The following PARD3 variants were observed in gnomAD, a reference collection of about 807,000 sequenced individuals.
PARD3 encodes partitioning defective 3 homolog.
A neutral mutation model predicts 155.4 loss-of-function variants in PARD3; 75 were observed. That is an observed-to-expected ratio of 0.48 (90% CI 0.40 to 0.58). The LOEUF is 0.58. Among genes scored for constraint, PARD3 ranks in the 20% least tolerant of loss-of-function variants. The pLI is 0.00. For missense variants in PARD3, 1,642 were observed against 1,721.7 expected, an observed-to-expected ratio of 0.95 and a Z score of 0.82; for synonymous variants, 576 against 610.5, an observed-to-expected ratio of 0.94 and a Z score of 0.83.
chr10:34,571,187 A>T (rs1390715173), intron 2 of PARD3, among the ~76,000 whole-genome samples: 3 of 152,068 alleles, frequency 2.0e-5, no homozygotes, highest in Admixed American at 2.0e-4. Flanking sequence ...TAGTGCACAC[A>T]CCTGTAGTCT....
chr10:34,635,577 C>T (rs1170758534), intron 2 of PARD3, among the ~76,000 whole-genome samples: 1 of 152,206 alleles, frequency 6.6e-6, no homozygotes, highest in Non-Finnish European at 1.5e-5. Context: ...AATTTATATG[C>T]CTATGACTCT....
At chr10:34,579,604 G>A (rs549240560) in intron 2 of PARD3, among the ~76,000 whole-genome samples, 19 of 136,630 alleles carry the variant, frequency 1.4e-4, no homozygotes, top group Non-Finnish European at 2.1e-4. Context: ...GTTTTGACAC[G>A]GAGTTTCACA....
intron 5 of PARD3, among the ~76,000 whole-genome samples, chr10:34,448,359 G>C (rs1375502177): frequency 6.6e-6 from 1 of 151,602 alleles, no homozygotes; most frequent in Non-Finnish European, 1.5e-5. Flanking sequence ...TGCTAACAGA[G>C]TACGATGGCA....
chr10:34,791,663 G>A (rs934200636), intron 1 of PARD3, among the ~76,000 whole-genome samples: 1 of 152,038 alleles, frequency 6.6e-6, no homozygotes, highest in Non-Finnish European at 1.5e-5. Flanking sequence ...ATCGCCTGAG[G>A]CCAGGGATTC....
At chr10:34,117,472 G>A (rs1200931667) in intron 24 of PARD3, among the ~76,000 whole-genome samples, 1 of 152,136 alleles carries the variant, frequency 6.6e-6, no homozygotes, top group Non-Finnish European at 1.5e-5. Flanking sequence ...CGGAGTGGGG[G>A]ATAGGGTGGA....
chr10:34,697,023 T>C (rs1321920071), intron 1 of PARD3, among the ~76,000 whole-genome samples: 1 of 146,110 alleles, frequency 6.8e-6, no homozygotes, highest in Non-Finnish European at 1.5e-5. Context: ...CACACACATA[T>C]TAAAATGCGT....
intron 3 of PARD3, among the ~76,000 whole-genome samples, chr10:34,481,469 T>C (rs915122472): frequency 3.3e-5 from 5 of 152,176 alleles, no homozygotes; most frequent in Non-Finnish European, 7.3e-5. Flanking sequence ...CATTGGCTAC[T>C]GAATCCTGTG....
chr10:34,728,641 T>C (rs2094761097), intron 1 of PARD3, among the ~76,000 whole-genome samples: 1 of 152,226 alleles, frequency 6.6e-6, no homozygotes. Context: ...GCTCCCAATT[T>C]GGATGAAGTC....
intron 22 of PARD3, among the ~76,000 whole-genome samples, chr10:34,240,497 A>G (rs892446175): frequency 6.6e-6 from 1 of 152,190 alleles, no homozygotes; most frequent in African/African-American, 2.4e-5. Context: ...CTATTTTTGT[A>G]TTCAATGATA....
intron 20 of PARD3, among the ~76,000 whole-genome samples, chr10:34,291,254 C>T (rs1016415507): frequency 6.6e-6 from 1 of 152,046 alleles, no homozygotes; most frequent in Non-Finnish European, 1.5e-5. Flanking sequence ...AGATGTATGT[C>T]CACATGTTTC....
At chr10:34,348,230 A>C (rs2134370665) in intron 14 of PARD3, 115 bp from the exon 15 acceptor site, 1 of 844,158 alleles carries the variant, frequency 1.2e-6, no homozygotes, top group East Asian at 2.8e-5. Flanking sequence ...TACCAAATGA[A>C]CTAGAACTTT....
intron 22 of PARD3, among the ~76,000 whole-genome samples, chr10:34,182,915 CAT>C (rs1422095080): frequency 6.6e-6 from 1 of 152,126 alleles, no homozygotes; most frequent in Non-Finnish European, 1.5e-5. Context: ...AATGTTTACT[CAT>C]AAATTACATC....
chr10:34,737,164 C>G (rs72783655), intron 1 of PARD3, among the ~76,000 whole-genome samples: 1 of 152,192 alleles, frequency 6.6e-6, no homozygotes, highest in East Asian at 1.9e-4. Context: ...CAGTATTGAC[C>G]TGGTCCCAAG....
intron 4 of PARD3, among the ~76,000 whole-genome samples, chr10:34,453,283 G>A (rs1055150466): frequency 6.6e-6 from 1 of 152,162 alleles, no homozygotes; most frequent in African/African-American, 2.4e-5. Flanking sequence ...AGCATTCCCT[G>A]ATTCTCAATA....
At chr10:34,794,070 T>C (rs1776274168) in intron 1 of PARD3, among the ~76,000 whole-genome samples, 1 of 150,442 alleles carries the variant, frequency 6.6e-6, no homozygotes, top group African/African-American at 2.4e-5. Flanking sequence ...CTCCATTCAA[T>C]CTCCCGTAAG....
chr10:34,512,332 T>C (rs1445343813), intron 3 of PARD3, among the ~76,000 whole-genome samples: 1 of 152,232 alleles, frequency 6.6e-6, no homozygotes, highest in Non-Finnish European at 1.5e-5. Context: ...TGCTGGCTTC[T>C]TTATTATCAT....
intron 2 of PARD3, among the ~76,000 whole-genome samples, chr10:34,616,018 T>A (rs899020393): frequency 6.6e-6 from 1 of 152,140 alleles, no homozygotes; most frequent in Non-Finnish European, 1.5e-5. Flanking sequence ...AGTACAGCAA[T>A]TATAGAAAAC....
chr10:34,454,850 T>C (rs567717590), intron 4 of PARD3, among the ~76,000 whole-genome samples: 1 of 152,300 alleles, frequency 6.6e-6, no homozygotes, highest in East Asian at 1.9e-4. Context: ...GCATATTAAT[T>C]TGCTGCTCCC....
intron 17 of PARD3, among the ~76,000 whole-genome samples, chr10:34,336,882 A>G (rs1418451731): frequency 6.6e-6 from 1 of 152,158 alleles, no homozygotes; most frequent in Non-Finnish European, 1.5e-5. Flanking sequence ...GATTGAGATA[A>G]TGGTTTCTCT....
Sources: allele counts gnomAD v4.1 joint callset (sites outside exome capture counted in the v4.1 genomes callset), GRCh38; gene constraint gnomAD v4.1.1; transcripts MANE v1.5; gene names NCBI Gene and HGNC (gene_info 2026-07-23, HGNC 2026-07-21).